Variants in LRCH3 observed in about 807,000 individuals in gnomAD.
LRCH3 encodes the protein DISP complex protein LRCH3.
LRCH3 carries 68 observed loss-of-function variants against 104.5 expected under a neutral mutation model. The observed-to-expected ratio is 0.65, with a 90% CI of 0.54 to 0.80. The LOEUF (loss-of-function observed/expected upper bound fraction) is 0.80. Among genes scored for constraint, LRCH3 ranks in the 30% least tolerant of loss-of-function variants. LRCH3 has a pLI of 0.00. For synonymous variants in LRCH3, 344 were observed against 361.3 expected, an observed-to-expected ratio of 0.95 and a Z score of 0.54; for missense variants, 951 against 953.9, an observed-to-expected ratio of 1.00 and a Z score of 0.04.
intron 15 of LRCH3, 100 bp downstream of exon 15, chr3:197,859,005 A>C (rs1740588546): frequency 1.2e-6 from 1 of 861,742 alleles, no homozygotes; most frequent in Non-Finnish European, 2.0e-6. Context: ...GAAATATAGG[A>C]TCGCATAAAT....
intron 9 of LRCH3, among the ~76,000 whole-genome samples, chr3:197,838,959 G>A (rs778864991): frequency 1.8e-4 from 27 of 152,236 alleles, no homozygotes; most frequent in Middle Eastern, 3.4e-3. Context: ...GGGTAGGGTA[G>A]GTGGGAATTT....
At chr3:197,852,721 C>G in intron 13 of LRCH3, 101 bp downstream of exon 13, 1 of 1,231,528 alleles carries the variant, frequency 8.1e-7, no homozygotes, top group Middle Eastern at 2.0e-4. Flanking sequence ...CGGAATATTG[C>G]CATTTTTCTT....
At chr3:197,807,866 C>A (rs1432344154) in intron 1 of LRCH3, among the ~76,000 whole-genome samples, 1 of 152,120 alleles carries the variant, frequency 6.6e-6, no homozygotes, top group African/African-American at 2.4e-5. Context: ...AACCTTACCC[C>A]CTTCATGTCC....
intron 20 of LRCH3, among the ~76,000 whole-genome samples, chr3:197,878,282 C>T (rs941401056): frequency 1.8e-4 from 28 of 152,154 alleles, no homozygotes; most frequent in African/African-American, 5.3e-4. Flanking sequence ...ATTTAAAGTC[C>T]GTACCTTGGA....
In LRCH3 at chr3:197,852,568, C is replaced by T; in HGVS notation, c.1538C>T (p.Ala513Val). 6.2e-7 allele frequency: 1 copy of T among 1,613,984 alleles called. No individual in the cohort carries two copies. The highest frequency in any genetic ancestry group is 8.5e-7 in the Non-Finnish European group (1 of 1,179,972). ...GGTTTTGGGATTATACAGCAAAAAG[C>T]ATCACAAAGTCCACAAAAACAGCAC... ...DAVLDFVKQK[A>V]SQSPQKQHPL... The change falls in exon 13 of 21, where the codon GCA becomes GTA. Residue 513 changes from alanine to valine, a missense_variant. By Grantham distance (64) the Ala-to-Val change is moderately conservative. Coordinates refer to ENST00000425562, the MANE Select transcript of LRCH3 (RefSeq NM_001365715.1).
chr3:197,831,198 G>A, intron 7 of LRCH3: 1 of 198,010 alleles, frequency 5.1e-6, no homozygotes. Flanking sequence ...GAGAAAACAA[G>A]TAGGACTTTC....
At chr3:197,805,041 C>T (rs1318610559) in intron 1 of LRCH3, among the ~76,000 whole-genome samples, 2 of 152,198 alleles carry the variant, frequency 1.3e-5, no homozygotes, top group East Asian at 1.9e-4. Flanking sequence ...ATTACAGGTG[C>T]GTGCCACCAC....
chr3:197,811,402 A>C (rs1289861294), intron 1 of LRCH3, among the ~76,000 whole-genome samples: 1 of 152,110 alleles, frequency 6.6e-6, no homozygotes, highest in African/African-American at 2.4e-5. Flanking sequence ...CTCAGTGTTG[A>C]AAATCTCTTA....
intron 19 of LRCH3, among the ~76,000 whole-genome samples, chr3:197,872,844 G>A (rs530016089): frequency 3.3e-5 from 5 of 152,198 alleles, no homozygotes; most frequent in East Asian, 3.9e-4. Flanking sequence ...AAGACAGAGC[G>A]AGACTCTGTC....
chr3:197,888,293 T>C lies in LRCH3; in HGVS notation c.*4627T>C, dbSNP rs1395611371. ...TAGTGAAAGATTTTGTAAAACATTG[T>C]CCTGTATTTTTGTCTGTAAATATAT... On this transcript the variant is annotated 3_prime_UTR_variant, in exon 21 of 21. Coordinates refer to ENST00000425562, the MANE Select transcript of LRCH3 (RefSeq NM_001365715.1). 6.6e-6 allele frequency: 1 copy of C among 152,236 alleles called. No homozygotes were observed. Among genetic ancestry groups the C allele is most frequent in the Non-Finnish European group, 1.5e-5 (1 of 68,038 alleles). 9.4% of individuals were successfully genotyped at this position (152,236 alleles called of 1,614,324 possible). A position where few individuals can be genotyped will look rare whatever the true frequency, so the allele number is the denominator to read the frequency against.
intron 10 of LRCH3, among the ~76,000 whole-genome samples, chr3:197,841,597 C>G (rs543098749): frequency 6.6e-6 from 1 of 152,258 alleles, no homozygotes; most frequent in South Asian, 2.1e-4. Context: ...GGACCGAGAT[C>G]GTGGAAGCCA....
chr3:197,820,553 G>A (rs1295223607), intron 4 of LRCH3, 123 bp downstream of exon 4: 5 of 653,246 alleles, frequency 7.7e-6, no homozygotes, highest in Non-Finnish European at 1.0e-5. Context: ...GCTCCTGCCT[G>A]TAATGCCAAC....
At chr3:197,866,048 C>G (rs1247898883) in intron 16 of LRCH3, 64 bp from the exon 17 acceptor site, 2 of 1,148,796 alleles carry the variant, frequency 1.7e-6, no homozygotes, top group African/African-American at 3.1e-5. Flanking sequence ...ACTTTTGTAA[C>G]TTGTATGTCT....
rs373817184 is a variant in LRCH3, at chr3:197,806,895, C to T, written c.263-8013C>T. 1.6e-4 allele frequency among the ~76,000 whole-genome samples: 25 copies of T among 151,550 alleles called. No homozygotes were observed. In the East Asian group the frequency reaches 4.5e-3, roughly 27 times the overall value. On this transcript the variant is annotated intron_variant, in intron 1 of 20. Transcript: ENST00000425562. ...CAAAAGATTTAAAAGAAAAATTAGC[C>T]TGACATGGTTCCGCATTCCTGTGGT...
chr3:197,795,230 T>G (rs892778845), intron 1 of LRCH3, among the ~76,000 whole-genome samples: 1 of 152,056 alleles, frequency 6.6e-6, no homozygotes, highest in Non-Finnish European at 1.5e-5. Flanking sequence ...GGGACATCAG[T>G]TAATTTTGCC....
Position 197,854,583 on chromosome 3 carries a change from A to G in LRCH3, c.1644+138A>G. ...TTATGAAGAACTAAACCATTTTCCCACATGACCATTTGTGATTGACCCAGT... is the reference window on the plus strand; with the variant it reads ...TTATGAAGAACTAAACCATTTTCCCGCATGACCATTTGTGATTGACCCAGT... On this transcript the variant is annotated intron_variant, in intron 14 of 20. Coordinates refer to ENST00000425562, the MANE Select transcript of LRCH3 (RefSeq NM_001365715.1). The surrounding 1 kb of genome is among the most constrained non-coding windows in gnomAD (Gnocchi z 4.5). The G allele has an allele frequency of 1.2e-6, 1 of 826,726 alleles. No homozygotes were observed. The highest frequency in any genetic ancestry group is 2.0e-6 in the Non-Finnish European group (1 of 505,520). The allele number at this position is 826,726 out of a possible 1,614,324, so 51.2% of individuals were successfully genotyped here.
At position 197,848,023 on chromosome 3, in the gene LRCH3, T is replaced by G; in HGVS notation, c.1530+2T>G. 1 of 1,613,886 alleles carries G rather than the reference T, an allele frequency of 6.2e-7. No individual in the cohort carries two copies. The highest frequency in any genetic ancestry group is 8.5e-7 in the Non-Finnish European group (1 of 1,179,890). On this transcript the variant is annotated splice_donor_variant, in intron 12 of 20. Coordinates refer to ENST00000425562, the MANE Select transcript of LRCH3 (RefSeq NM_001365715.1). LOFTEE classifies it high-confidence loss of function. The stretch of plus-strand genomic sequence containing the variant: ...GATGCTGTCCTGGACTTTGTCAAAG[T>G]GAGTCGTTTGAATGATGCTGTTCAA...
chr3:197,819,924 G>T (rs921518271), intron 3 of LRCH3, among the ~76,000 whole-genome samples: 1 of 152,050 alleles, frequency 6.6e-6, no homozygotes, highest in Non-Finnish European at 1.5e-5. Context: ...TGCCCACGCT[G>T]GTCTGAAACT....
chr3:197,840,871 G>T (rs1348840851), intron 10 of LRCH3, among the ~76,000 whole-genome samples: 1 of 152,176 alleles, frequency 6.6e-6, no homozygotes, highest in Non-Finnish European at 1.5e-5. Context: ...TAAGATTCCA[G>T]TTTTATGCAG....
Sources: allele counts gnomAD v4.1 joint callset (sites outside exome capture counted in the v4.1 genomes callset), GRCh38; gene constraint gnomAD v4.1.1; non-coding constraint Gnocchi (gnomAD v3.1); transcripts MANE v1.5; gene names NCBI Gene and HGNC (gene_info 2026-07-23, HGNC 2026-07-21).